NT5M: variants seen among roughly 807,000 people sequenced by gnomAD.
The protein encoded by NT5M is 5',3'-nucleotidase, mitochondrial.
In NT5M, 22 loss-of-function variants were observed where a neutral mutation model predicts 22.2. The observed-to-expected ratio is 0.99, with a 90% confidence interval of 0.71 to 1.41. NT5M has a LOEUF of 1.41. Among genes scored for constraint, NT5M ranks in the 40% most tolerant of loss-of-function variants. The probability of loss-of-function intolerance (pLI) is 0.00; values close to 1 mark genes in which losing one functional copy is unlikely to be tolerated. For missense variants in NT5M, 322 were observed against 314.8 expected, an observed-to-expected ratio of 1.02 and a Z score of -0.17; for synonymous variants, 167 against 133.0, an observed-to-expected ratio of 1.26 and a Z score of -1.76.
chr17:17,326,507 A>C (rs530494170), intron 3 of NT5M, among the ~76,000 whole-genome samples: 1 of 152,384 alleles, frequency 6.6e-6, no homozygotes, highest in Non-Finnish European at 1.5e-5. Context: ...TGCCTTGCTC[A>C]GGGAATCAAA....
In NT5M at chr17:17,331,844, G is replaced by A. The variant is rs920982176; in HGVS notation, c.429+8599G>A. Among the ~76,000 whole-genome samples, 12 of 150,542 alleles carry A rather than the reference G, an allele frequency of 8.0e-5. 1 individual carries two copies. The highest frequency in any genetic ancestry group is 1.7e-4 in the African/African-American group (7 of 40,370). ...CACCTAAGCTGGAGTGCAGTTGCGC[G>A]ATCTCTGCTCACTGCAAGCTCCGCC... On this transcript the variant is annotated intron_variant, in intron 3 of 4. Transcript: ENST00000389022.
rs951034966 is a variant in NT5M, at chr17:17,303,383, C to T, written c.-168C>T. 6 of 795,348 alleles carry T rather than the reference C, an allele frequency of 7.5e-6. No homozygotes were observed. In the East Asian group the frequency reaches 3.6e-4, roughly 48 times the overall value. The allele number at this position is 795,348 out of a possible 1,614,324, so 49.3% of individuals were successfully genotyped here. The stretch of plus-strand genomic sequence containing the variant: ...GCGCGCCGCGGCCTCGCTCTGGGGC[C>T]GGTACTTGCGCGCCCGCACCCCGCG... On this transcript the variant is annotated 5_prime_UTR_variant, in exon 1 of 5. Coordinates refer to ENST00000389022, the MANE Select transcript of NT5M (RefSeq NM_020201.4).
chr17:17,320,108 C>T (rs1282571748), intron 2 of NT5M, among the ~76,000 whole-genome samples: 1 of 152,228 alleles, frequency 6.6e-6, no homozygotes. Context: ...ACTGAAAGTG[C>T]TGGGATTACA....
intron 2 of NT5M, among the ~76,000 whole-genome samples, chr17:17,308,622 A>G (rs957552843): frequency 6.6e-6 from 1 of 151,902 alleles, no homozygotes; most frequent in Admixed American, 6.6e-5. Flanking sequence ...CGTGCAGTCC[A>G]CCCATTTGAA....
In NT5M at chr17:17,303,398, C is replaced by A; in HGVS notation, c.-153C>A. 7.6e-6 allele frequency: 7 copies of A among 920,284 alleles called. No homozygotes were observed. The highest frequency in any genetic ancestry group is 9.1e-6 in the Non-Finnish European group (7 of 768,416). 57.0% of individuals were successfully genotyped at this position (920,284 alleles called of 1,614,324 possible). On this transcript the variant is annotated 5_prime_UTR_variant, in exon 1 of 5. Coordinates refer to ENST00000389022, the MANE Select transcript of NT5M (RefSeq NM_020201.4). ...GCTCTGGGGCCGGTACTTGCGCGCC[C>A]GCACCCCGCGCTCCCCGCCCCGCTC...
intron 1 of NT5M, among the ~76,000 whole-genome samples, chr17:17,305,391 A>ACCCC (rs1292946321): frequency 1.8e-4 from 7 of 39,410 alleles, no homozygotes; most frequent in Non-Finnish European, 2.0e-4. Context: ...GGTTAAAACA[A>ACCCC]CCGCCCCCCC....
At chr17:17,334,026 G>A (rs1396914892) in intron 3 of NT5M, among the ~76,000 whole-genome samples, 2 of 151,762 alleles carry the variant, frequency 1.3e-5, no homozygotes, top group East Asian at 3.9e-4. Context: ...GTAGAGACGG[G>A]GTTTCATCGT....
At chr17:17,306,434 G>GTGA in intron 1 of NT5M, 109 bp from the exon 2 acceptor site, 1 of 760,042 alleles carries the variant, frequency 1.3e-6, no homozygotes, top group Non-Finnish European at 2.3e-6. Flanking sequence ...GTTTGGGGGA[G>GTGA]TGAGAGGAAT....
At chr17:17,339,694 G>A (rs1001626571) in intron 3 of NT5M, among the ~76,000 whole-genome samples, 1 of 152,082 alleles carries the variant, frequency 6.6e-6, no homozygotes, top group Non-Finnish European at 1.5e-5. Flanking sequence ...AAAGGATATT[G>A]AATTTTATCA....
At chr17:17,319,951 TTCTGCC>T (rs755629225) in intron 2 of NT5M, among the ~76,000 whole-genome samples, 71 of 152,374 alleles carry the variant, frequency 4.7e-4, no homozygotes, top group Non-Finnish European at 9.3e-4. Flanking sequence ...CAAGTGATTC[TTCTGCC>T]TCAGCCTCCC....
chr17:17,326,192 C>T (rs1000487433), intron 3 of NT5M, among the ~76,000 whole-genome samples: 1 of 152,214 alleles, frequency 6.6e-6, no homozygotes, highest in African/African-American at 2.4e-5. Context: ...TTGAGGTTTA[C>T]AACAGCTGCC....
At chr17:17,336,360 C>T (rs1286704245) in intron 3 of NT5M, among the ~76,000 whole-genome samples, 2 of 152,002 alleles carry the variant, frequency 1.3e-5, no homozygotes, top group African/African-American at 2.4e-5. Context: ...AGATACTCCT[C>T]CACTCCCCCT....
At chr17:17,329,804 C>G (rs531880049) in intron 3 of NT5M, among the ~76,000 whole-genome samples, 2 of 151,620 alleles carry the variant, frequency 1.3e-5, no homozygotes, top group South Asian at 4.2e-4. Context: ...GATGAGACCC[C>G]ATCTGTACTA....
chr17:17,342,312 A>G (rs959209265), intron 3 of NT5M, among the ~76,000 whole-genome samples: 2 of 152,022 alleles, frequency 1.3e-5, no homozygotes, highest in African/African-American at 2.4e-5. Context: ...CTGAGCCTCC[A>G]TTTCTTCATC....
chr17:17,338,677 G>GTTTTTT (rs59650601), intron 3 of NT5M, among the ~76,000 whole-genome samples: 25 of 73,198 alleles, frequency 3.4e-4, no homozygotes, highest in Non-Finnish European at 5.8e-4. Context: ...AATGTTAAGG[G>GTTTTTT]TTTTTTTTTT....
At position 17,335,005 on chromosome 17, in the gene NT5M, T is replaced by C. The variant is rs569466231; in HGVS notation, c.430-9789T>C. ...ACAAGCACATACACATCCTCATTTATGTAGGCCACCTCTACCTTCTCTCAG... is the reference window on the plus strand; with the variant it reads ...ACAAGCACATACACATCCTCATTTACGTAGGCCACCTCTACCTTCTCTCAG... On this transcript the variant is annotated intron_variant, in intron 3 of 4. Transcript: ENST00000389022. 4.6e-5 allele frequency among the ~76,000 whole-genome samples: 7 copies of C among 152,276 alleles called. No homozygotes were observed. The South Asian group carries it at 1.2e-3, about 27-fold the overall frequency.
rs1402668653 is a variant in NT5M, at chr17:17,320,945, G to T, written c.369-2240G>T. 7.9e-5 allele frequency among the ~76,000 whole-genome samples: 12 copies of T among 152,176 alleles called. No homozygotes were observed. The East Asian group carries it at 2.1e-3, about 27-fold the overall frequency. Reference sequence around the variant, plus strand: ...TCTTTGGTGACAAGGAGCAATTTCTGTGGAGTGAAGGGGCAGGCCCAGTCT... The same window carrying T: ...TCTTTGGTGACAAGGAGCAATTTCTTTGGAGTGAAGGGGCAGGCCCAGTCT... On this transcript the variant is annotated intron_variant, in intron 2 of 4. Transcript: ENST00000389022.
rs957570980 is a variant in NT5M at position 17,335,403 on chromosome 17, G to A, written c.430-9391G>A. ...CTCCCAAGTAGCTGGGACTATAGGC[G>A]CCCGCCACCATGCCCAGCTAATTTT... On this transcript the variant is annotated intron_variant, in intron 3 of 4. Coordinates refer to ENST00000389022, the MANE Select transcript of NT5M (RefSeq NM_020201.4). Among the ~76,000 whole-genome samples, 40 of 149,782 alleles carry A rather than the reference G, an allele frequency of 2.7e-4. 3 individuals carry two copies. The highest frequency in any genetic ancestry group is 2.1e-3 in the Admixed American group (31 of 15,046).
chr17:17,326,452 G>C (rs1222322725), intron 3 of NT5M, among the ~76,000 whole-genome samples: 3 of 152,214 alleles, frequency 2.0e-5, no homozygotes, highest in African/African-American at 7.2e-5. Flanking sequence ...AACATCAACA[G>C]GCTCTGGCTC....
Sources: allele counts gnomAD v4.1 joint callset (sites outside exome capture counted in the v4.1 genomes callset), GRCh38; gene constraint gnomAD v4.1.1; transcripts MANE v1.5; gene names NCBI Gene and HGNC (gene_info 2026-07-23, HGNC 2026-07-21).